TNNI3K: variants seen among roughly 807,000 people sequenced by gnomAD.
TNNI3K encodes the protein TNNI3 interacting kinase, also known as serine/threonine-protein kinase TNNI3K.
A neutral mutation model predicts 114.5 loss-of-function variants in TNNI3K; 140 were observed. The observed-to-expected ratio is 1.22, with a 90% CI of 1.07 to 1.41. The LOEUF is 1.41. Ranked by LOEUF, TNNI3K falls within the 40% of genes most tolerant of loss-of-function variation. TNNI3K has a pLI of 0.00. For synonymous variants in TNNI3K, 347 were observed against 347.5 expected, an observed-to-expected ratio of 1.00 and a Z score of 0.02; for missense variants, 1,125 against 1,007.6, an observed-to-expected ratio of 1.12 and a Z score of -1.58.
At chr1:74,506,194 A>G (rs1334602404) in intron 23 of TNNI3K, among the ~76,000 whole-genome samples, 1 of 152,256 alleles carries the variant, frequency 6.6e-6, no homozygotes, top group Non-Finnish European at 1.5e-5. Flanking sequence ...TCTGTGACAT[A>G]GAACAGAAAT....
intron 21 of TNNI3K, among the ~76,000 whole-genome samples, chr1:74,473,850 G>GATAAAC (rs1668057281): frequency 6.6e-6 from 1 of 152,134 alleles, no homozygotes; most frequent in African/African-American, 2.4e-5. Context: ...GTGACTCAAA[G>GATAAAC]ATAAACATTA....
intron 17 of TNNI3K, among the ~76,000 whole-genome samples, chr1:74,409,595 G>A (rs1664786143): frequency 6.7e-6 from 1 of 148,508 alleles, no homozygotes; most frequent in East Asian, 2.0e-4. Flanking sequence ...CTGGGTTCAA[G>A]TGATTCTCCT....
intron 17 of TNNI3K, among the ~76,000 whole-genome samples, chr1:74,435,076 C>T (rs1666062709): frequency 6.6e-6 from 1 of 151,952 alleles, no homozygotes; most frequent in African/African-American, 2.4e-5. Context: ...CAGTGGCAAT[C>T]TCCTAATACT....
intron 2 of TNNI3K, among the ~76,000 whole-genome samples, chr1:74,245,998 G>A (rs1654527971): frequency 6.6e-6 from 1 of 152,134 alleles, no homozygotes; most frequent in African/African-American, 2.4e-5. Flanking sequence ...ATATAAGAAG[G>A]GGGTTCAGAA....
At position 74,369,395 on chromosome 1, in the gene TNNI3K, C is replaced by T. The variant is rs201857576; in HGVS notation, c.1477C>T (p.Arg493Ter). Reference protein sequence around the residue: ...RNKIVAIKRYRANTYCSKSDV... With the variant: ...RNKIVAIKRY ...TTCTGTTGCTGCCATTTCCAGTTAT[C>T]GAGCCAATACCTACTGCTCCAAGTC... is the stretch of plus-strand genomic sequence containing the variant. Residue 493 changes from arginine to a stop codon, truncating the protein, a stop_gained, in exon 16 of 25, where the codon CGA becomes TGA. Coordinates refer to ENST00000326637, the MANE Select transcript of TNNI3K (RefSeq NM_015978.3). LOFTEE classifies it high-confidence loss of function. 20 of 1,606,572 alleles carry T rather than the reference C, an allele frequency of 1.2e-5. No homozygotes were observed. Among genetic ancestry groups the T allele is most frequent in the Middle Eastern group, 1.7e-4 (1 of 6,028 alleles).
At chr1:74,529,955 C>T (rs2100436943) in intron 23 of TNNI3K, among the ~76,000 whole-genome samples, 2 of 152,170 alleles carry the variant, frequency 1.3e-5, no homozygotes, top group African/African-American at 4.8e-5. Context: ...TTTACCTGTA[C>T]ATGCCTATGG....
intron 21 of TNNI3K, among the ~76,000 whole-genome samples, chr1:74,479,297 CTAAG>C (rs1287138292): frequency 2.6e-5 from 4 of 152,138 alleles, no homozygotes; most frequent in Admixed American, 1.3e-4. Context: ...ACTAATGACA[CTAAG>C]TGTCATTTTA....
chr1:74,364,804 G>A (rs1662176348), intron 11 of TNNI3K, among the ~76,000 whole-genome samples: 1 of 152,006 alleles, frequency 6.6e-6, no homozygotes, highest in African/African-American at 2.4e-5. Flanking sequence ...CAAGGAATGT[G>A]GGTGGCCTAT....
At chr1:74,328,331 G>A (rs1660023077) in intron 5 of TNNI3K, among the ~76,000 whole-genome samples, 1 of 151,838 alleles carries the variant, frequency 6.6e-6, no homozygotes, top group Non-Finnish European at 1.5e-5. Flanking sequence ...TTCTGAAGCA[G>A]ATGAATCATG....
At chr1:74,385,875 C>T (rs1663448111) in intron 17 of TNNI3K, among the ~76,000 whole-genome samples, 1 of 152,158 alleles carries the variant, frequency 6.6e-6, no homozygotes, top group South Asian at 2.1e-4. Context: ...AAGGAAAGGC[C>T]TAGAGTATTT....
intron 10 of TNNI3K, 85 bp from the exon 11 acceptor site, chr1:74,353,895 T>C (rs1570509967): frequency 1.3e-6 from 2 of 1,483,352 alleles, no homozygotes; most frequent in South Asian, 2.7e-5. Flanking sequence ...AATAATGCTA[T>C]TATGTGGTGA....
Position 74,272,208 on chromosome 1 carries a change from T to G in TNNI3K, c.444+500T>G, listed in dbSNP as rs1251306259. Among the ~76,000 whole-genome samples the G allele has an allele frequency of 5.3e-5, 8 of 152,046 alleles. No homozygotes were observed. In the East Asian group the frequency reaches 1.5e-3, roughly 29 times the overall value. On this transcript the variant is annotated intron_variant, in intron 5 of 24. Coordinates refer to ENST00000326637, the MANE Select transcript of TNNI3K (RefSeq NM_015978.3). ...CACCTATTATGCACCGGATACTGTT[T>G]TAGATGCTGGGATGACAGTAGCAAG...
chr1:74,541,843 G>A (rs1646730403), intron 24 of TNNI3K, among the ~76,000 whole-genome samples: 1 of 152,166 alleles, frequency 6.6e-6, no homozygotes, highest in South Asian at 2.1e-4. Flanking sequence ...CATCATACAA[G>A]AAAGAACGCT....
intron 23 of TNNI3K, among the ~76,000 whole-genome samples, chr1:74,514,410 A>C (rs72981503): frequency 1.7e-4 from 26 of 152,312 alleles, no homozygotes; most frequent in African/African-American, 6.3e-4. Context: ...TTTAAGTAAA[A>C]AGGGGAGCAT....
intron 20 of TNNI3K, among the ~76,000 whole-genome samples, chr1:74,445,543 C>T (rs577041112): frequency 1.0e-3 from 157 of 149,780 alleles, no homozygotes; most frequent in African/African-American, 3.5e-3. Context: ...CTACAAAGGA[C>T]GTGAACTCAT....
chr1:74,309,353 C>T (rs1463031047), intron 5 of TNNI3K, among the ~76,000 whole-genome samples: 2 of 43,914 alleles, frequency 4.6e-5, no homozygotes, highest in Non-Finnish European at 8.2e-5. Context: ...TGGGCGACAG[C>T]GAGACTCTGT....
chr1:74,307,467 A>G lies in TNNI3K; in HGVS notation c.445-23983A>G, dbSNP rs143663485. On this transcript the variant is annotated intron_variant, in intron 5 of 24. Coordinates refer to ENST00000326637, the MANE Select transcript of TNNI3K (RefSeq NM_015978.3). ...ATCTGTCAAGCAAATGAAAAATGAA[A>G]AAAGAGCAAGGGTTGCTATTCTTGT... 2.7e-3 allele frequency among the ~76,000 whole-genome samples: 406 copies of G among 152,306 alleles called. 2 individuals are homozygous for G. The highest frequency in any genetic ancestry group is 9.5e-3 in the African/African-American group (395 of 41,568).
chr1:74,420,862 TATC>T (rs772026681), intron 17 of TNNI3K, among the ~76,000 whole-genome samples: 22 of 152,136 alleles, frequency 1.4e-4, no homozygotes, highest in Admixed American at 2.6e-4. Context: ...GGCTGCTTCT[TATC>T]TATATTGTCA....
At chr1:74,318,997 C>G (rs1220349918) in intron 5 of TNNI3K, among the ~76,000 whole-genome samples, 1 of 152,164 alleles carries the variant, frequency 6.6e-6, no homozygotes, top group Non-Finnish European at 1.5e-5. Flanking sequence ...AACATCACCC[C>G]AAAACTTTGT....
Sources: gnomAD v4.1 joint callset for allele counts (sites outside exome capture counted in the v4.1 genomes callset) on GRCh38, gnomAD v4.1.1 for gene constraint, MANE v1.5 for transcripts, NCBI Gene and HGNC (gene_info 2026-07-23, HGNC 2026-07-21) for gene names.